The following PSTPIP1 variants were observed in gnomAD, a reference collection of about 807,000 sequenced individuals.
The protein encoded by PSTPIP1 is proline-serine-threonine phosphatase interacting protein 1.
A neutral mutation model predicts 69.6 loss-of-function variants in PSTPIP1; 66 were observed. The ratio of observed to expected loss-of-function variants is 0.95; its 90% CI spans 0.78 to 1.16. The LOEUF (loss-of-function observed/expected upper bound fraction) is 1.16, where lower values mean the gene tolerates loss of function less well. PSTPIP1 is among the 50% of genes most tolerant of loss of function. PSTPIP1 has a pLI of 0.00. For synonymous variants in PSTPIP1, 266 were observed against 222.7 expected (o/e 1.19, Z -1.73); for missense variants, 603 against 557.4 (o/e 1.08, Z -0.82).
chr15:77,030,784 C>T (rs531428108), intron 9 of PSTPIP1, among the ~76,000 whole-genome samples: 4 of 152,232 alleles, frequency 2.6e-5, no homozygotes, highest in Admixed American at 6.5e-5. Flanking sequence ...TGGGCCCCTT[C>T]GTTGCAGGCA....
chr15:77,034,037 TAGAG>T (rs139918038), intron 12 of PSTPIP1, among the ~76,000 whole-genome samples: 13 of 150,094 alleles, frequency 8.7e-5, no homozygotes, highest in East Asian at 5.9e-4. Flanking sequence ...CAGAGAGGAT[TAGAG>T]AGAGAGAGAG....
rs759442242 is a variant in PSTPIP1, at chr15:77,018,448, T to C, written c.138-9T>C. 6.4e-7 allele frequency: 1 copy of C among 1,571,818 alleles called. No homozygotes were observed. Among genetic ancestry groups the C allele is most frequent in the Non-Finnish European group, 8.6e-7 (1 of 1,158,246 alleles). On this transcript the variant is annotated splice_polypyrimidine_tract_variant and intron_variant, in intron 2 of 14. Coordinates refer to ENST00000558012, the MANE Select transcript of PSTPIP1 (RefSeq NM_003978.5). Reference sequence around the variant, plus strand: ...ACTGATGATCTTTCAAATGCCCTTTTTTTTGCAGGGCCCAGGCGGAGGAGC... The same window carrying C: ...ACTGATGATCTTTCAAATGCCCTTTCTTTTGCAGGGCCCAGGCGGAGGAGC...
Position 77,027,920 on chromosome 15 carries a change from C to T in PSTPIP1, c.417+6C>T. ...TCTACAAGAAGGCCATGGAGGTGAG[C>T]GCCAGGGCCTGGGGCCGCGGCCTTC... is the stretch of plus-strand genomic sequence containing the variant. On this transcript the variant is annotated splice_donor_region_variant and intron_variant, in intron 6 of 14. Transcript: ENST00000558012. The surrounding 1 kb of genome is among the most constrained non-coding windows in gnomAD (Gnocchi z 4.3). 7 of 1,556,526 alleles carry T rather than the reference C, an allele frequency of 4.5e-6. No individual in the cohort carries two copies. Among genetic ancestry groups the T allele is most frequent in the Non-Finnish European group, 6.1e-6 (7 of 1,150,034 alleles).
chr15:77,029,518 TG>T lies in PSTPIP1; in HGVS notation c.517-10del. ...CAGGGGCTTAGCGCTGCTTCCCCTC[TG>T]TTTCCTCAGAGTCAGAACAAAGCCA... On this transcript the variant is annotated splice_polypyrimidine_tract_variant and intron_variant, in intron 7 of 14. Transcript: ENST00000558012. 1 of 1,574,696 alleles carries T rather than the reference TG, an allele frequency of 6.4e-7. No individual in the cohort carries two copies. The highest frequency in any genetic ancestry group is 8.6e-7 in the Non-Finnish European group (1 of 1,161,016).
intron 14 of PSTPIP1, among the ~76,000 whole-genome samples, chr15:77,036,340 G>C (rs1040955382): frequency 6.6e-6 from 1 of 152,198 alleles, no homozygotes; most frequent in African/African-American, 2.4e-5. Flanking sequence ...GTCATAGCTT[G>C]AGGGCCAGGC....
At chr15:77,033,354 G>A (rs1050672842) in intron 12 of PSTPIP1, among the ~76,000 whole-genome samples, 3 of 152,172 alleles carry the variant, frequency 2.0e-5, no homozygotes, top group African/African-American at 7.2e-5. Context: ...TCCCCGGCCT[G>A]GCTGCAGTCA....
chr15:77,030,621 A>C, intron 9 of PSTPIP1, 40 bp downstream of exon 9: 1 of 1,557,910 alleles, frequency 6.4e-7, no homozygotes, highest in Non-Finnish European at 8.8e-7. Context: ...CCCAGCTGGG[A>C]AGTGTGAGAC....
chr15:77,035,219 T>A (rs1596138002), intron 12 of PSTPIP1, among the ~76,000 whole-genome samples: 1 of 151,964 alleles, frequency 6.6e-6, no homozygotes, highest in South Asian at 2.1e-4. Context: ...GCTTCGGGGG[T>A]TCTAGGATCC....
intron 1 of PSTPIP1, among the ~76,000 whole-genome samples, chr15:77,005,875 T>C (rs1431595454): frequency 6.6e-6 from 1 of 152,256 alleles, no homozygotes; most frequent in African/African-American, 2.4e-5. Context: ...CTTTATTTTG[T>C]ATATCCATTG....
intron 11 of PSTPIP1, 50 bp downstream of exon 11, chr15:77,032,444 G>T (rs1317987518): frequency 6.3e-7 from 1 of 1,584,566 alleles, no homozygotes; most frequent in Non-Finnish European, 8.6e-7. Flanking sequence ...TTGAGCCCCT[G>T]GGAAGGCCCG....
At chr15:77,007,904 C>T (rs570146102) in intron 1 of PSTPIP1, 1 of 455,922 alleles carries the variant, frequency 2.2e-6, no homozygotes, top group East Asian at 7.0e-5. Flanking sequence ...GGCAATAGAA[C>T]ACTTTGAGGA....
At chr15:77,021,134 T>A (rs919697365) in intron 3 of PSTPIP1, among the ~76,000 whole-genome samples, 2 of 152,200 alleles carry the variant, frequency 1.3e-5, no homozygotes, top group South Asian at 2.1e-4. Context: ...AATAGCCTAG[T>A]GAGCCCTGAG....
Position 77,037,342 on chromosome 15 carries a change from C to A in PSTPIP1, c.*166C>A. 1.1e-6 allele frequency: 1 copy of A among 898,852 alleles called. No homozygotes were observed. Among genetic ancestry groups the A allele is most frequent in the Non-Finnish European group, 1.6e-6 (1 of 621,964 alleles). The allele number at this position is 898,852 out of a possible 1,614,324, so 55.7% of individuals were successfully genotyped here. A position where few individuals can be genotyped will look rare whatever the true frequency, so the allele number is the denominator to read the frequency against. ...AGTGCGTTCTGTTCTCCTTGGTGTGCTGGGGTCCCGTTCTCTTTTTCTCCT... is the reference window on the plus strand; with the variant it reads ...AGTGCGTTCTGTTCTCCTTGGTGTGATGGGGTCCCGTTCTCTTTTTCTCCT... On this transcript the variant is annotated 3_prime_UTR_variant, in exon 15 of 15. Transcript: ENST00000558012.
rs55775608 is a variant in PSTPIP1 at position 77,025,432 on chromosome 15, G to A, written c.248-66G>A. On this transcript the variant is annotated intron_variant, in intron 4 of 14. Transcript: ENST00000558012. ...TGGGGCTGGGCTGGCCCACACGGGT[G>A]AGTTGTGGGTGGCTGAGGCCCATCA... The A allele has an allele frequency of 0.022, 34,619 of 1,583,746 alleles. 726 individuals are homozygous for A. Among genetic ancestry groups the A allele is most frequent in the African/African-American group, 0.093 (6,934 of 74,312 alleles).
Position 76,995,181 on chromosome 15 carries a change from C to T in PSTPIP1, c.-393C>T, listed in dbSNP as rs974461206. ...GCCTGCCTGCCTGCCTGGCCCGGCC[C>T]GAGCTCCAGCCTGCCTCTTCCACTG... On this transcript the variant is annotated 5_prime_UTR_variant, in exon 1 of 15. Coordinates refer to ENST00000558012, the MANE Select transcript of PSTPIP1 (RefSeq NM_003978.5). 1.9e-5 allele frequency: 23 copies of T among 1,195,168 alleles called. No homozygotes were observed. Among genetic ancestry groups the T allele is most frequent in the Middle Eastern group, 3.5e-4 (1 of 2,826 alleles). The allele number at this position is 1,195,168 out of a possible 1,614,324, so 74.0% of individuals were successfully genotyped here. A position where few individuals can be genotyped will look rare whatever the true frequency, so the allele number is the denominator to read the frequency against.
At chr15:77,031,705 C>A in intron 10 of PSTPIP1, 1 of 184,442 alleles carries the variant, frequency 5.4e-6, no homozygotes, top group Non-Finnish European at 1.1e-5. Flanking sequence ...TCCTGGTTCC[C>A]CTTACTGAGC....
At chr15:77,016,583 C>G (rs34500166) in intron 1 of PSTPIP1, among the ~76,000 whole-genome samples, 1 of 151,726 alleles carries the variant, frequency 6.6e-6, no homozygotes, top group Non-Finnish European at 1.5e-5. Flanking sequence ...GAGCCTGGAC[C>G]AGGCCCTCCT....
intron 1 of PSTPIP1, among the ~76,000 whole-genome samples, chr15:76,996,785 G>A (rs1378518290): frequency 6.6e-6 from 1 of 152,242 alleles, no homozygotes; most frequent in East Asian, 1.9e-4. Context: ...GCCCAGAGAA[G>A]CCAATGGAGG....
intron 1 of PSTPIP1, among the ~76,000 whole-genome samples, chr15:77,010,767 C>T (rs62027307): frequency 0.068 from 10,283 of 152,156 alleles, 395 homozygotes; most frequent in Middle Eastern, 0.1. Context: ...CCTGCCTCAC[C>T]CTCCGAGTAG....
Sources: gnomAD v4.1 joint callset for allele counts (sites outside exome capture counted in the v4.1 genomes callset) on GRCh38, gnomAD v4.1.1 for gene constraint, Gnocchi (gnomAD v3.1) non-coding constraint, MANE v1.5 for transcripts, NCBI Gene and HGNC (gene_info 2026-07-23, HGNC 2026-07-21) for gene names.